ADAM18: variants seen among roughly 807,000 people sequenced by gnomAD.
ADAM18 encodes the protein disintegrin and metalloproteinase domain-containing protein 18.
Under a neutral mutation model 94.4 loss-of-function variants are expected in ADAM18, and 117 were observed. The observed-to-expected ratio is 1.24, with a 90% CI of 1.07 to 1.45. The LOEUF is 1.45. Among genes scored for constraint, ADAM18 ranks in the 40% most tolerant of loss-of-function variants. The pLI is 0.00. For missense variants in ADAM18, 936 were observed against 880.0 expected (o/e 1.06, Z -0.81); for synonymous variants, 327 against 291.6 (o/e 1.12, Z -1.24).
chr8:39,609,139 T>C lies in ADAM18; in HGVS notation c.267+19T>C. The C allele has an allele frequency of 1.4e-6, 2 of 1,431,106 alleles. No individual in the cohort carries two copies. The highest frequency in any genetic ancestry group is 1.9e-6 in the Non-Finnish European group (2 of 1,040,652). The allele number at this position is 1,431,106 out of a possible 1,614,324, so 88.7% of individuals were successfully genotyped here. Reference sequence around the variant, plus strand: ...TTTTATGGTAAAGTAAGATACCTTATTTTTTTTGTTAAAGTGGTTATATTA... The same window carrying C: ...TTTTATGGTAAAGTAAGATACCTTACTTTTTTTGTTAAAGTGGTTATATTA... On this transcript the variant is annotated intron_variant, in intron 4 of 19. Transcript: ENST00000265707.
rs770158156 is a variant in ADAM18, at chr8:39,648,506, A to G, written c.1209A>G (p.Glu403=). The G allele has an allele frequency of 1.9e-6, 3 of 1,605,528 alleles. No homozygotes were observed. The highest frequency in any genetic ancestry group is 4.5e-5 in the East Asian group (2 of 44,730). Residue 403 remains glutamate (E), a synonymous_variant, in exon 12 of 20, where the codon GAA becomes GAG. Transcript: ENST00000265707. ...CGNGILESNE[E]CDCGNKNECQ... ...ATGGGATTTTGGAATCCAATGAAGA[A>G]TGTGACTGTGGTAATAAAAATGTGA... is the stretch of plus-strand genomic sequence containing the variant.
chr8:39,672,170 T>G (rs1821175499), intron 14 of ADAM18, among the ~76,000 whole-genome samples: 1 of 152,102 alleles, frequency 6.6e-6, no homozygotes, highest in African/African-American at 2.4e-5. Context: ...GGGAATACTG[T>G]AATCTATGTA....
At chr8:39,608,287 C>A (rs2053046469) in intron 3 of ADAM18, among the ~76,000 whole-genome samples, 1 of 151,810 alleles carries the variant, frequency 6.6e-6, no homozygotes, top group Non-Finnish European at 1.5e-5. Flanking sequence ...AAATGTCTCC[C>A]TGTTTCTTCT....
At chr8:39,647,426 T>C (rs1486387853) in intron 11 of ADAM18, among the ~76,000 whole-genome samples, 1 of 152,198 alleles carries the variant, frequency 6.6e-6, no homozygotes, top group East Asian at 1.9e-4. Context: ...GTTTTTCTCC[T>C]ATCTCAGAAT....
At chr8:39,728,642 C>T (rs1052281829) in intron 19 of ADAM18, among the ~76,000 whole-genome samples, 1 of 152,012 alleles carries the variant, frequency 6.6e-6, no homozygotes, top group African/African-American at 2.4e-5. Context: ...AAAGTAAATA[C>T]TTCAGTGAAA....
intron 18 of ADAM18, among the ~76,000 whole-genome samples, chr8:39,723,417 G>A (rs1218792544): frequency 6.6e-6 from 1 of 151,400 alleles, no homozygotes; most frequent in Admixed American, 6.6e-5. Flanking sequence ...GTGGGATGGT[G>A]GTTTCTCAAA....
chr8:39,712,957 A>G, intron 18 of ADAM18, among the ~76,000 whole-genome samples: 1 of 152,180 alleles, frequency 6.6e-6, no homozygotes, highest in East Asian at 1.9e-4. Context: ...TTCATATGGA[A>G]CCAAAAAAGA....
At chr8:39,694,908 A>G (rs1821880078) in intron 17 of ADAM18, among the ~76,000 whole-genome samples, 2 of 151,682 alleles carry the variant, frequency 1.3e-5, no homozygotes, top group South Asian at 4.1e-4. Context: ...ACAGTATCAT[A>G]CAGAATAGTT....
chr8:39,643,583 G>T (rs555099605), intron 10 of ADAM18, among the ~76,000 whole-genome samples: 18 of 152,182 alleles, frequency 1.2e-4, no homozygotes, highest in Non-Finnish European at 1.5e-4. Context: ...CACAGTTCTG[G>T]ATAAAATAGA....
At chr8:39,692,806 A>G in intron 17 of ADAM18, 126 bp downstream of exon 17, 2 of 604,790 alleles carry the variant, frequency 3.3e-6, no homozygotes, top group Non-Finnish European at 5.5e-6. Context: ...AAGAAAATTA[A>G]CTGACCTAAT....
chr8:39,600,591 C>T (rs914017416), intron 2 of ADAM18, among the ~76,000 whole-genome samples: 1 of 152,158 alleles, frequency 6.6e-6, no homozygotes, highest in African/African-American at 2.4e-5. Flanking sequence ...AATTTTCTGT[C>T]ACTAATGCTA....
chr8:39,592,283 T>C (rs1818590339), intron 2 of ADAM18, among the ~76,000 whole-genome samples: 3 of 152,186 alleles, frequency 2.0e-5, no homozygotes, highest in Non-Finnish European at 4.4e-5. Flanking sequence ...GTTCTATTTT[T>C]AGTTTTTTGA....
intron 6 of ADAM18, among the ~76,000 whole-genome samples, chr8:39,614,251 C>G (rs910380239): frequency 2.0e-5 from 3 of 152,024 alleles, no homozygotes; most frequent in Admixed American, 6.6e-5. Flanking sequence ...CAAAGAACAC[C>G]CCATTAGGTG....
rs936022706 is a variant in ADAM18 at position 39,681,734 on chromosome 8, G to A, written c.1821+1508G>A. On this transcript the variant is annotated intron_variant, in intron 16 of 19. Transcript: ENST00000265707. ...CACTTTGAGGACCTGGCTGGTGAGG[G>A]CTCAAGTGGTAGTTAGGAGTATATT... 2.6e-5 allele frequency among the ~76,000 whole-genome samples: 4 copies of A among 152,214 alleles called. No individual in the cohort carries two copies. In the South Asian group the frequency reaches 6.2e-4, roughly 24 times the overall value.
chr8:39,626,142 A>G (rs915614478), intron 6 of ADAM18, among the ~76,000 whole-genome samples: 3 of 152,066 alleles, frequency 2.0e-5, no homozygotes, highest in Non-Finnish European at 4.4e-5. Context: ...TCAAGCTAGT[A>G]GGGTTGTGTG....
intron 18 of ADAM18, among the ~76,000 whole-genome samples, chr8:39,711,999 A>G (rs997829775): frequency 2.6e-5 from 4 of 151,698 alleles, no homozygotes; most frequent in Admixed American, 1.3e-4. Flanking sequence ...ATAACATGGA[A>G]TAATATAAAA....
chr8:39,629,746 A>C (rs1212862537), intron 7 of ADAM18, among the ~76,000 whole-genome samples: 1 of 151,434 alleles, frequency 6.6e-6, no homozygotes, highest in Non-Finnish European at 1.5e-5. Flanking sequence ...GTTTTGTTTT[A>C]ATTTTAAAGA....
At chr8:39,609,354 T>C in intron 4 of ADAM18, 131 bp from the exon 5 acceptor site, 1 of 706,752 alleles carries the variant, frequency 1.4e-6, no homozygotes, top group South Asian at 2.2e-5. Flanking sequence ...TTTTTTTTTC[T>C]GAAAATATGC....
chr8:39,584,799 G>A, intron 1 of ADAM18, 122 bp downstream of exon 1: 1 of 1,193,478 alleles, frequency 8.4e-7, no homozygotes, highest in Non-Finnish European at 1.2e-6. Context: ...CCATGCTGGT[G>A]CTTCTGGTGT....
Sources: gnomAD v4.1 joint callset for allele counts (sites outside exome capture counted in the v4.1 genomes callset) on GRCh38, gnomAD v4.1.1 for gene constraint, MANE v1.5 for transcripts, NCBI Gene and HGNC (gene_info 2026-07-23, HGNC 2026-07-21) for gene names.